The following FDX1 variants were observed in gnomAD, a reference collection of about 807,000 sequenced individuals.
The protein encoded by FDX1 is ferredoxin 1.
FDX1 carries 9 observed loss-of-function variants against 14.9 expected under a neutral mutation model. That is an observed-to-expected ratio of 0.60 (90% confidence interval 0.36 to 1.05). FDX1 has a LOEUF of 1.05. Among genes scored for constraint, FDX1 ranks in the 50% least tolerant of loss-of-function variants. FDX1 has a pLI of 0.01. For missense variants in FDX1, 204 were observed against 237.2 expected (o/e 0.86, Z 0.92); for synonymous variants, 92 against 99.4 (o/e 0.93, Z 0.44).
chr11:110,457,166 G>A, intron 3 of FDX1, 119 bp downstream of exon 3: 1 of 846,786 alleles, frequency 1.2e-6, no homozygotes. Context: ...TTAAATAACA[G>A]TCACAGATTT....
intron 3 of FDX1, among the ~76,000 whole-genome samples, chr11:110,461,451 C>CATGCCA (rs1946555546): frequency 7.2e-6 from 1 of 139,430 alleles, no homozygotes; most frequent in Non-Finnish European, 1.5e-5. Flanking sequence ...GAGCTGAAAT[C>CATGCCA]ATGCCAGTGC....
chr11:110,438,520 A>G (rs1477546977), intron 2 of FDX1, among the ~76,000 whole-genome samples: 5 of 152,144 alleles, frequency 3.3e-5, no homozygotes, highest in Admixed American at 1.3e-4. Context: ...TCGCCTCCCA[A>G]GTTCAAGCGA....
chr11:110,439,340 T>C (rs892289695), intron 2 of FDX1, among the ~76,000 whole-genome samples: 5 of 152,078 alleles, frequency 3.3e-5, no homozygotes, highest in Admixed American at 1.3e-4. Flanking sequence ...CCCGAGTACC[T>C]GGGATTACAG....
At chr11:110,431,863 A>C (rs560386026) in intron 1 of FDX1, among the ~76,000 whole-genome samples, 68 of 152,252 alleles carry the variant, frequency 4.5e-4, no homozygotes, top group African/African-American at 1.6e-3. Context: ...CCTCTTACAG[A>C]CTTTGGAGCT....
upstream of FDX1, chr11:110,429,856 G>A (rs1351401820): frequency 1.6e-5 from 5 of 310,444 alleles, no homozygotes; most frequent in Admixed American, 2.0e-4. Flanking sequence ...CCCTGCGCTG[G>A]CCCCGCCCCA....
intron 3 of FDX1, 48 bp from the exon 4 acceptor site, chr11:110,462,306 A>AATAT (rs3831392): frequency 9.7e-7 from 1 of 1,026,656 alleles, no homozygotes; most frequent in Admixed American, 1.9e-5. Flanking sequence ...TTGCCTTGTG[A>AATAT]ATATATATAC....
chr11:110,431,492 G>T (rs1000172871), intron 1 of FDX1, among the ~76,000 whole-genome samples: 1 of 152,132 alleles, frequency 6.6e-6, no homozygotes, highest in African/African-American at 2.4e-5. Flanking sequence ...TTATCTAGTG[G>T]GTGCTCCATA....
At chr11:110,437,860 T>G (rs1174402261) in intron 2 of FDX1, among the ~76,000 whole-genome samples, 1 of 152,228 alleles carries the variant, frequency 6.6e-6, no homozygotes, top group African/African-American at 2.4e-5. Flanking sequence ...ACCCAGTATT[T>G]AGCTTGCACT....
intron 2 of FDX1, among the ~76,000 whole-genome samples, chr11:110,453,050 G>A (rs12798224): frequency 0.13 from 19,480 of 152,150 alleles, 1,649 homozygotes; most frequent in Non-Finnish European, 0.19. Flanking sequence ...AAAACTCATA[G>A]AACTGGCCAG....
chr11:110,442,235 C>T lies in FDX1; in HGVS notation c.310+6277C>T, dbSNP rs1416964000. Among the ~76,000 whole-genome samples, 5 of 152,224 alleles carry T rather than the reference C, an allele frequency of 3.3e-5. 1 individual carries two copies. Among genetic ancestry groups the T allele is most frequent in the African/African-American group, 1.2e-4 (5 of 41,446 alleles). On this transcript the variant is annotated intron_variant, in intron 2 of 3. Coordinates refer to ENST00000260270, the MANE Select transcript of FDX1 (RefSeq NM_004109.5). ...AAGGGAAATGTGGGGTTGGAGCCCCCACACAGAGTCCCTATTGGGGCACCG... is the reference window on the plus strand; with the variant it reads ...AAGGGAAATGTGGGGTTGGAGCCCCTACACAGAGTCCCTATTGGGGCACCG...
chr11:110,454,678 C>A (rs960201490), intron 2 of FDX1, among the ~76,000 whole-genome samples: 1 of 152,136 alleles, frequency 6.6e-6, no homozygotes, highest in African/African-American at 2.4e-5. Flanking sequence ...CCAACACTTA[C>A]ATAGTACATA....
intron 2 of FDX1, among the ~76,000 whole-genome samples, chr11:110,451,977 A>G (rs1946489350): frequency 6.6e-6 from 1 of 152,242 alleles, no homozygotes; most frequent in Admixed American, 6.5e-5. Flanking sequence ...TAGTGAAGAA[A>G]GGGTATTCTT....
At chr11:110,436,022 T>G in intron 2 of FDX1, 64 bp downstream of exon 2, 1 of 1,469,306 alleles carries the variant, frequency 6.8e-7, no homozygotes, top group Admixed American at 2.2e-5. Context: ...TTTTATTTTG[T>G]GGTTTTTTTT....
At position 110,444,663 on chromosome 11, in the gene FDX1, T is replaced by TAC. The variant is rs1555069072; in HGVS notation, c.310+8706_310+8707dup. On this transcript the variant is annotated intron_variant, in intron 2 of 3. Coordinates refer to ENST00000260270, the MANE Select transcript of FDX1 (RefSeq NM_004109.5). ...GTGTGTGTGTGTGTATATATATATA[T>TAC]ACGTATATATATATATATATACACG... 1.8e-3 allele frequency among the ~76,000 whole-genome samples: 123 copies of TAC among 68,654 alleles called. 4 individuals are homozygous for TAC. The highest frequency in any genetic ancestry group is 8.5e-3 in the African/African-American group (114 of 13,364). 45.0% of individuals were successfully genotyped at this position (68,654 alleles called of 152,430 possible).
In FDX1 at chr11:110,463,035, A is replaced by G. The variant is rs778395717; in HGVS notation, c.*567A>G. On this transcript the variant is annotated 3_prime_UTR_variant, in exon 4 of 4. Transcript: ENST00000260270. ...AAACTGCTTAACTTCAAAGATAGTT[A>G]TTGACCTTATAAATAAATATTTCAA... is the stretch of plus-strand genomic sequence containing the variant. 15 of 152,260 alleles carry G rather than the reference A, an allele frequency of 9.9e-5. No individual in the cohort carries two copies. The highest frequency in any genetic ancestry group is 1.8e-4 in the Non-Finnish European group (12 of 68,058). The allele number at this position is 152,260 out of a possible 1,614,324, so 9.4% of individuals were successfully genotyped here. A position where few individuals can be genotyped will look rare whatever the true frequency, so the allele number is the denominator to read the frequency against.
intron 2 of FDX1, among the ~76,000 whole-genome samples, chr11:110,437,040 G>T (rs1001444433): frequency 1.3e-5 from 2 of 152,146 alleles, no homozygotes; most frequent in Admixed American, 1.3e-4. Context: ...CTGTCACCCA[G>T]GCTGAAGTGC....
chr11:110,430,246 G>C lies in FDX1; in HGVS notation c.126G>C (p.Gly42=), dbSNP rs1049128470. 2 of 1,206,012 alleles carry C rather than the reference G, an allele frequency of 1.7e-6. No homozygotes were observed. Among genetic ancestry groups the C allele is most frequent in the Non-Finnish European group, 2.1e-6 (2 of 971,416 alleles). 74.7% of individuals were successfully genotyped at this position (1,206,012 alleles called of 1,614,324 possible). Residue 42 remains glycine, a synonymous_variant, in exon 1 of 4, where the codon GGG becomes GGC. Transcript: ENST00000260270. The part of the protein sequence containing the change: ...AGSSGLLRNR[G]PGGSAEASRS... ...CCAGCGGCCTGCTGAGGAACCGGGG[G>C]CCGGGCGGGAGCGCGGAGGCGAGCC...
intron 1 of FDX1, among the ~76,000 whole-genome samples, chr11:110,433,759 T>C (rs1202085717): frequency 1.3e-5 from 2 of 152,066 alleles, no homozygotes; most frequent in African/African-American, 4.8e-5. Context: ...ACCCTTTTGA[T>C]GAGTTTTAAT....
chr11:110,464,533 C>G lies in FDX1; in HGVS notation c.*2065C>G, dbSNP rs1946581000. The G allele has an allele frequency of 6.6e-6, 1 of 152,212 alleles. No homozygotes were observed. The highest frequency in any genetic ancestry group is 2.1e-4 in the South Asian group (1 of 4,830). The allele number at this position is 152,212 out of a possible 1,614,324, so 9.4% of individuals were successfully genotyped here. On this transcript the variant is annotated 3_prime_UTR_variant, in exon 4 of 4. Coordinates refer to ENST00000260270, the MANE Select transcript of FDX1 (RefSeq NM_004109.5). ...CGGCATTAATCCATTCATGAGGTCT[C>G]TGCTCTTAAAGGAGATCACCTCTTA...
Sources: gnomAD v4.1 joint callset for allele counts (sites outside exome capture counted in the v4.1 genomes callset) on GRCh38, gnomAD v4.1.1 for gene constraint, MANE v1.5 for transcripts, NCBI Gene and HGNC (gene_info 2026-07-23, HGNC 2026-07-21) for gene names.